Variants in NTM observed in about 807,000 individuals in gnomAD.
NTM encodes the protein neurotrimin, also known as IgLON family member 2.
A neutral mutation model predicts 42.1 loss-of-function variants in NTM; 13 were observed. The ratio of observed to expected loss-of-function variants is 0.31; its 90% confidence interval spans 0.20 to 0.49. NTM has a LOEUF of 0.49. Among genes scored for constraint, NTM ranks in the 20% least tolerant of loss-of-function variants. NTM has a pLI of 0.99. For synonymous variants in NTM, 187 were observed against 179.2 expected, an observed-to-expected ratio of 1.04 and a Z score of -0.35; for missense variants, 373 against 452.8, an observed-to-expected ratio of 0.82 and a Z score of 1.60.
intron 4 of NTM, among the ~76,000 whole-genome samples, chr11:132,252,711 A>G (rs559240711): frequency 6.6e-6 from 1 of 152,332 alleles, no homozygotes; most frequent in South Asian, 2.1e-4. Context: ...TTGTCCTGAT[A>G]TATGGCTGGG....
intron 1 of NTM, among the ~76,000 whole-genome samples, chr11:131,819,267 C>T (rs1301191796): frequency 2.0e-5 from 3 of 152,082 alleles, no homozygotes; most frequent in East Asian, 1.9e-4. Flanking sequence ...TCTAGGGACC[C>T]GAGGGAGCAT....
At chr11:131,789,933 G>A (rs1330520769) in intron 1 of NTM, among the ~76,000 whole-genome samples, 2 of 134,152 alleles carry the variant, frequency 1.5e-5, no homozygotes, top group African/African-American at 2.8e-5. Context: ...TCCAGCCTGG[G>A]CGACAGAGCG....
chr11:131,853,678 T>C (rs2045817238), intron 1 of NTM, among the ~76,000 whole-genome samples: 1 of 152,236 alleles, frequency 6.6e-6, no homozygotes, highest in Non-Finnish European at 1.5e-5. Context: ...GTCTTTGCTA[T>C]TGTGAATAGT....
intron 2 of NTM, among the ~76,000 whole-genome samples, chr11:132,085,514 AC>A (rs1476152244): frequency 6.6e-6 from 1 of 152,204 alleles, no homozygotes; most frequent in Non-Finnish European, 1.5e-5. Flanking sequence ...AATTTAGACC[AC>A]CTATTTACAT....
At chr11:131,725,011 C>A (rs576069916) in intron 1 of NTM, among the ~76,000 whole-genome samples, 56 of 152,266 alleles carry the variant, frequency 3.7e-4, no homozygotes, top group African/African-American at 1.3e-3. Flanking sequence ...CCAGGGACAA[C>A]AAGTTCAGGC....
intron 1 of NTM, among the ~76,000 whole-genome samples, chr11:131,638,361 G>A (rs1241697311): frequency 6.6e-6 from 1 of 152,216 alleles, no homozygotes; most frequent in East Asian, 1.9e-4. Flanking sequence ...GAGGTCAGGA[G>A]TTCAAGACCA....
intron 2 of NTM, among the ~76,000 whole-genome samples, chr11:131,922,525 T>G (rs2057378862): frequency 6.6e-6 from 1 of 152,202 alleles, no homozygotes. Flanking sequence ...ACATCCTTTA[T>G]TTTTTTCATT....
intron 1 of NTM, among the ~76,000 whole-genome samples, chr11:131,852,179 C>T (rs1565630240): frequency 6.6e-6 from 1 of 152,152 alleles, no homozygotes; most frequent in Non-Finnish European, 1.5e-5. Context: ...GTGCAAATGG[C>T]AGTCAGTGTG....
At chr11:131,980,909 C>T (rs2065130491) in intron 2 of NTM, among the ~76,000 whole-genome samples, 1 of 152,164 alleles carries the variant, frequency 6.6e-6, no homozygotes, top group South Asian at 2.1e-4. Flanking sequence ...TCAAATCCGA[C>T]TCTATGTTTA....
At chr11:131,483,862 A>G (rs1953881436) in intron 1 of NTM, among the ~76,000 whole-genome samples, 1 of 152,256 alleles carries the variant, frequency 6.6e-6, no homozygotes, top group African/African-American at 2.4e-5. Flanking sequence ...AGGACAAGGA[A>G]GACTTCTGCC....
intron 2 of NTM, among the ~76,000 whole-genome samples, chr11:132,105,359 A>T (rs1240030409): frequency 6.6e-6 from 1 of 152,170 alleles, no homozygotes; most frequent in East Asian, 1.9e-4. Flanking sequence ...CTGCTTATTA[A>T]TATAGTAGTA....
chr11:131,918,724 G>T (rs2138169240), intron 2 of NTM, among the ~76,000 whole-genome samples: 1 of 152,152 alleles, frequency 6.6e-6, no homozygotes, highest in Non-Finnish European at 1.5e-5. Context: ...GTCCCTCCTT[G>T]TCGTGGTGCA....
intron 1 of NTM, among the ~76,000 whole-genome samples, chr11:131,550,874 A>G (rs1159194337): frequency 6.6e-6 from 1 of 152,038 alleles, no homozygotes; most frequent in African/African-American, 2.4e-5. Context: ...CTTAACAGAC[A>G]CTGTTCTGCC....
At chr11:132,206,340 G>A (rs765759700) in intron 3 of NTM, among the ~76,000 whole-genome samples, 1 of 152,108 alleles carries the variant, frequency 6.6e-6, no homozygotes, top group Non-Finnish European at 1.5e-5. Flanking sequence ...TCATGATCTT[G>A]TATCCCATTT....
intron 4 of NTM, among the ~76,000 whole-genome samples, chr11:132,224,040 G>T (rs1373635998): frequency 6.6e-6 from 1 of 152,208 alleles, no homozygotes; most frequent in Non-Finnish European, 1.5e-5. Flanking sequence ...CAGAAAAGAA[G>T]AGAGGGCGGA....
chr11:132,268,959 G>T (rs887846920), intron 4 of NTM, among the ~76,000 whole-genome samples: 5 of 151,860 alleles, frequency 3.3e-5, no homozygotes, highest in African/African-American at 9.7e-5. Flanking sequence ...CTCAGACTTG[G>T]GCATAATCGA....
rs1941046821 is a variant in NTM, at chr11:131,370,730, ACAC to A, written c.-76_-74del. On this transcript the variant is annotated 5_prime_UTR_variant, in exon 1 of 9. Coordinates refer to ENST00000683400, the MANE Select transcript of NTM (RefSeq NM_001352005.2). ...ATCTCCTTGCACAAGCTTGAGAGCAACACAATCTATCAGGAAAGAAAGAAAGAA... is the reference window on the plus strand; with the variant it reads ...ATCTCCTTGCACAAGCTTGAGAGCAAAATCTATCAGGAAAGAAAGAAAGAA... 7.9e-7 allele frequency: 1 copy of A among 1,269,280 alleles called. No individual in the cohort carries two copies. The highest frequency in any genetic ancestry group is 2.3e-5 in the East Asian group (1 of 43,210). The allele number at this position is 1,269,280 out of a possible 1,614,324, so 78.6% of individuals were successfully genotyped here. A position where few individuals can be genotyped will look rare whatever the true frequency, so the allele number is the denominator to read the frequency against.
At chr11:131,821,340 T>C (rs185139744) in intron 1 of NTM, among the ~76,000 whole-genome samples, 6 of 152,342 alleles carry the variant, frequency 3.9e-5, no homozygotes, top group South Asian at 2.1e-4. Flanking sequence ...TTTCTTGTGG[T>C]CCAGGCAGGG....
chr11:131,813,928 T>C (rs1379468070), intron 1 of NTM, among the ~76,000 whole-genome samples: 1 of 152,144 alleles, frequency 6.6e-6, no homozygotes, highest in East Asian at 1.9e-4. Flanking sequence ...TTCACAGACT[T>C]CATGGAGTAT....
Sources: gnomAD v4.1 joint callset for allele counts (sites outside exome capture counted in the v4.1 genomes callset) on GRCh38, gnomAD v4.1.1 for gene constraint, MANE v1.5 for transcripts, NCBI Gene and HGNC (gene_info 2026-07-23, HGNC 2026-07-21) for gene names.